SCAF11: variants seen among roughly 807,000 people sequenced by gnomAD.
The protein encoded by SCAF11 is SR-related CTD associated factor 11.
In SCAF11, 47 loss-of-function variants were observed where a neutral mutation model predicts 140.5. The ratio of observed to expected loss-of-function variants is 0.33; its 90% confidence interval spans 0.26 to 0.43. The LOEUF is 0.43. Ranked by LOEUF, SCAF11 falls within the 20% of genes least tolerant of loss-of-function variation. The probability of loss-of-function intolerance (pLI) is 1.00; values close to 1 mark genes in which losing one functional copy is unlikely to be tolerated. For missense variants in SCAF11, 1,645 were observed against 1,705.1 expected, an observed-to-expected ratio of 0.96 and a Z score of 0.62; for synonymous variants, 557 against 579.4, an observed-to-expected ratio of 0.96 and a Z score of 0.55.
chr12:45,990,643 T>G, upstream of SCAF11: 1 of 1,154,118 alleles, frequency 8.7e-7, no homozygotes, highest in Non-Finnish European at 1.1e-6. Context: ...CCTCCTCCCT[T>G]CCCTCGCTGT....
chr12:45,968,638 G>A (rs188866196), intron 1 of SCAF11, among the ~76,000 whole-genome samples: 112 of 152,194 alleles, frequency 7.4e-4, no homozygotes, highest in African/African-American at 2.5e-3. Flanking sequence ...CCACTACACT[G>A]CATTCAAATA....
At position 45,972,869 on chromosome 12, in the gene SCAF11, T is replaced by TATATATCTATAG. The variant is rs1565688599; in HGVS notation, c.-21-8682_-21-8681insCTATAGATATAT. Among the ~76,000 whole-genome samples the TATATATCTATAG allele has an allele frequency of 9.4e-3, 509 of 54,340 alleles. 18 individuals are homozygous for TATATATCTATAG. Among genetic ancestry groups the TATATATCTATAG allele is most frequent in the African/African-American group, 0.036 (472 of 13,162 alleles). 35.6% of individuals were successfully genotyped at this position (54,340 alleles called of 152,430 possible). A position where few individuals can be genotyped will look rare whatever the true frequency, so the allele number is the denominator to read the frequency against. On this transcript the variant is annotated intron_variant, in intron 1 of 14. Transcript: ENST00000369367. ...GCCAGTATATATATATATATCGATA[T>TATATATCTATAG]ATATATATATAGATATATATATAGA...
intron 1 of SCAF11, among the ~76,000 whole-genome samples, chr12:45,988,811 CTGAA>C (rs1256677598): frequency 6.6e-6 from 1 of 152,156 alleles, no homozygotes; most frequent in East Asian, 1.9e-4. Flanking sequence ...ATGTGAAAAA[CTGAA>C]TGACTGTTAA....
intron 1 of SCAF11, among the ~76,000 whole-genome samples, chr12:45,965,085 C>G (rs1185865152): frequency 6.6e-6 from 1 of 152,012 alleles, no homozygotes; most frequent in Admixed American, 6.6e-5. Flanking sequence ...TCAAGTATGG[C>G]TAGATTATAG....
chr12:45,922,331 C>A, intron 14 of SCAF11, 132 bp downstream of exon 14: 3 of 1,469,984 alleles, frequency 2.0e-6, no homozygotes, highest in Non-Finnish European at 2.8e-6. Context: ...ACAAACTAAT[C>A]AAAAGGCAAA....
Position 45,928,801 on chromosome 12 carries a change from T to A in SCAF11, c.900A>T (p.Gln300His), listed in dbSNP as rs779041279. The change falls in exon 11 of 15, where the codon CAA (glutamine) becomes CAT (histidine). Residue 300 changes from glutamine to histidine, a missense_variant. Physicochemically the swap from Gln to His is conservative, Grantham distance 24. This residue lies in a region of SCAF11 where 1,582 missense variants were observed against 1,609.2 expected (regional missense o/e 0.98). Transcript: ENST00000369367. ...AHTQEGEEKK[Q>H]TSGTSNTRGS... ...CTCTGGTATTTGATGTACCAGAAGT[T>A]TGCTTCTTTTCTTCCCCTTCTTGAG... 37 of 1,613,362 alleles carry A rather than the reference T, an allele frequency of 2.3e-5. No homozygotes were observed. Among genetic ancestry groups the A allele is most frequent in the Non-Finnish European group, 3.1e-5 (36 of 1,179,976 alleles).
At chr12:45,957,723 A>G (rs1200988855) in intron 3 of SCAF11, among the ~76,000 whole-genome samples, 6 of 152,200 alleles carry the variant, frequency 3.9e-5, no homozygotes, top group Non-Finnish European at 7.3e-5. Flanking sequence ...TGTAAAAGGG[A>G]AAAGAATGCC....
At chr12:45,975,738 T>C (rs191520196) in intron 1 of SCAF11, 2 of 152,282 alleles carry the variant, frequency 1.3e-5, no homozygotes, top group East Asian at 3.9e-4. Flanking sequence ...TTCAATACTG[T>C]TGAGAAACAG....
intron 12 of SCAF11, 50 bp downstream of exon 12, chr12:45,924,678 A>G: frequency 6.9e-7 from 1 of 1,443,030 alleles, no homozygotes; most frequent in Non-Finnish European, 9.5e-7. Context: ...ATGAACAGCT[A>G]AATGTTTACA....
At chr12:45,986,138 T>C (rs899805459) in intron 1 of SCAF11, among the ~76,000 whole-genome samples, 3 of 152,174 alleles carry the variant, frequency 2.0e-5, no homozygotes, top group Non-Finnish European at 2.9e-5. Context: ...TCCATACCTA[T>C]AGTTCCAATT....
intron 1 of SCAF11, among the ~76,000 whole-genome samples, chr12:45,969,454 G>A (rs1294982258): frequency 1.3e-5 from 2 of 151,972 alleles, no homozygotes; most frequent in Non-Finnish European, 2.9e-5. Flanking sequence ...CTTCAAGTAA[G>A]CCCATGGTAT....
intron 1 of SCAF11, among the ~76,000 whole-genome samples, chr12:45,984,591 C>T (rs1016381238): frequency 1.2e-4 from 18 of 152,048 alleles, no homozygotes; most frequent in African/African-American, 4.4e-4. Context: ...TAGCCCATTC[C>T]TTATTAAACT....
intron 3 of SCAF11, chr12:45,955,810 T>C (rs897480814): frequency 4.6e-6 from 1 of 217,242 alleles, no homozygotes; most frequent in African/African-American, 2.3e-5. Context: ...TTTTAAAGTA[T>C]CTAATTCAGT....
chr12:45,927,413 G>C lies in SCAF11; in HGVS notation c.2288C>G (p.Ala763Gly). The C allele has an allele frequency of 1.2e-6, 2 of 1,613,698 alleles. No individual in the cohort carries two copies. Among genetic ancestry groups the C allele is most frequent in the Non-Finnish European group, 1.7e-6 (2 of 1,179,878 alleles). Residue 763 changes from alanine (A) to glycine (G), a missense_variant, in exon 11 of 15, where the codon GCG becomes GGG. By Grantham distance (60) the Ala-to-Gly change is moderately conservative. Around this residue, in one of 2 missense-constraint regions of SCAF11, gnomAD observed 1,582 missense variants for 1,609.2 expected, o/e 0.98. Transcript: ENST00000369367. ...AGAAACAGTTTCAACCTTTTCATCC[G>C]CAAGATCAGAAGACGGCATATTATT... ...SENNMPSSDL[A>G]DEKVETVSQP... is the part of the protein sequence containing the mutation.
At chr12:45,958,320 C>G (rs1318313166) in intron 3 of SCAF11, among the ~76,000 whole-genome samples, 1 of 152,112 alleles carries the variant, frequency 6.6e-6, no homozygotes, top group East Asian at 1.9e-4. Context: ...TGTCCTTTAC[C>G]TTCCTAAAGT....
At chr12:45,977,555 A>G (rs1327597238) in intron 1 of SCAF11, among the ~76,000 whole-genome samples, 2 of 152,266 alleles carry the variant, frequency 1.3e-5, no homozygotes, top group Non-Finnish European at 2.9e-5. Flanking sequence ...AAAAAGCTCA[A>G]TTTTACTGTA....
chr12:45,929,247 T>A (rs1944983271), intron 10 of SCAF11: 1 of 153,978 alleles, frequency 6.5e-6, no homozygotes, highest in Admixed American at 6.6e-5. Flanking sequence ...AGCCTCAACC[T>A]CCCAGGCTCA....
At chr12:45,958,825 G>C (rs1219099918) in intron 3 of SCAF11, among the ~76,000 whole-genome samples, 1 of 152,134 alleles carries the variant, frequency 6.6e-6, no homozygotes, top group South Asian at 2.1e-4. Context: ...CATAGCTTTT[G>C]TTTAAATAAC....
rs752583297 is a variant in SCAF11 at position 45,924,924 on chromosome 12, G to A, written c.3710C>T (p.Ala1237Val). Residue 1237 changes from alanine (A) to valine (V), a missense_variant, in exon 12 of 15, where the codon GCT becomes GTT. Physicochemically the swap from Ala to Val is moderately conservative, Grantham distance 64. This residue lies in a region of SCAF11 where 1,582 missense variants were observed against 1,609.2 expected (regional missense o/e 0.98). Transcript: ENST00000369367. ...NIFPYPVGVHAPLMNIQRNPF... is the reference protein window; with the variant it reads ...NIFPYPVGVHVPLMNIQRNPF... ...ATTGCGTTGGATGTTCATCAAAGGA[G>A]CATGAACACCCACTGGATATGGGAA... 1.2e-6 allele frequency: 2 copies of A among 1,614,164 alleles called. No individual in the cohort carries two copies. The highest frequency in any genetic ancestry group is 1.7e-6 in the Non-Finnish European group (2 of 1,180,024).
Sources: allele counts gnomAD v4.1 joint callset (sites outside exome capture counted in the v4.1 genomes callset), GRCh38; gene constraint gnomAD v4.1.1; regional missense constraint gnomAD v4.1.1; transcripts MANE v1.5; gene names NCBI Gene and HGNC (gene_info 2026-07-23, HGNC 2026-07-21).